Variants in MFHAS1 observed in about 807,000 individuals in gnomAD.
MFHAS1 encodes multifunctional ROCO family signaling regulator 1, also known as malignant fibrous histiocytoma-amplified sequence 1.
In MFHAS1, 50 loss-of-function variants were observed where a neutral mutation model predicts 70.4. The ratio of observed to expected loss-of-function variants is 0.71; its 90% CI spans 0.57 to 0.90. MFHAS1 has a LOEUF of 0.90. Ranked by LOEUF, MFHAS1 falls within the 40% of genes least tolerant of loss-of-function variation. The pLI is 0.00. For missense variants in MFHAS1, 1,795 were observed against 1,347.6 expected (o/e 1.33, Z -5.20); for synonymous variants, 952 against 620.0 (o/e 1.54, Z -7.96).
intron 1 of MFHAS1, among the ~76,000 whole-genome samples, chr8:8,848,099 G>C (rs554621141): frequency 9.2e-5 from 14 of 152,188 alleles, no homozygotes; most frequent in Non-Finnish European, 1.5e-4. Context: ...CATCTGGGAC[G>C]GCTGCTTTCC....
intron 1 of MFHAS1, among the ~76,000 whole-genome samples, chr8:8,814,427 G>GT (rs1298426684): frequency 6.6e-6 from 1 of 152,230 alleles, no homozygotes; most frequent in African/African-American, 2.4e-5. Flanking sequence ...CTAGGTTTGT[G>GT]TAAGTGCACT....
At chr8:8,793,266 G>C (rs1805781214) in intron 2 of MFHAS1, among the ~76,000 whole-genome samples, 1 of 152,072 alleles carries the variant, frequency 6.6e-6, no homozygotes, top group Non-Finnish European at 1.5e-5. Flanking sequence ...ATAAGAAATA[G>C]AAAAGCTTGG....
intron 1 of MFHAS1, among the ~76,000 whole-genome samples, chr8:8,832,560 T>C (rs1254914818): frequency 2.7e-5 from 4 of 150,842 alleles, no homozygotes; most frequent in African/African-American, 7.3e-5. Context: ...ACCACTAGAA[T>C]GCCTGCAATT....
At chr8:8,870,290 C>CAAA (rs61229252) in intron 1 of MFHAS1, among the ~76,000 whole-genome samples, 154 of 112,022 alleles carry the variant, frequency 1.4e-3, no homozygotes, top group Middle Eastern at 4.5e-3. Flanking sequence ...CCTGTCTCTA[C>CAAA]AAAAAAAAAA....
rs1805498449 is a variant in MFHAS1 at position 8,785,269 on chromosome 8, G to C, written c.*753C>G. The C allele has an allele frequency of 6.6e-6, 1 of 152,116 alleles. No individual in the cohort carries two copies. The highest frequency in any genetic ancestry group is 2.4e-5 in the African/African-American group (1 of 41,402). The allele number at this position is 152,116 out of a possible 1,614,324, so 9.4% of individuals were successfully genotyped here. Reference sequence around the variant, plus strand: ...ACCAGCGTGCCAGATGATTTATATAGGCAGGGACCTTCATTGAAAAGAAGG... The same window carrying C: ...ACCAGCGTGCCAGATGATTTATATACGCAGGGACCTTCATTGAAAAGAAGG... On this transcript the variant is annotated 3_prime_UTR_variant, in exon 3 of 3. Transcript: ENST00000276282.
intron 1 of MFHAS1, among the ~76,000 whole-genome samples, chr8:8,839,711 C>G (rs905241623): frequency 1.3e-5 from 2 of 152,146 alleles, no homozygotes; most frequent in South Asian, 4.1e-4. Context: ...GCTGAAATAA[C>G]GTAATATATT....
At chr8:8,856,124 T>A (rs1055372326) in intron 1 of MFHAS1, among the ~76,000 whole-genome samples, 9 of 152,224 alleles carry the variant, frequency 5.9e-5, no homozygotes, top group Non-Finnish European at 1.2e-4. Context: ...GGATTCCCCA[T>A]GAACTCCTCA....
intron 1 of MFHAS1, among the ~76,000 whole-genome samples, chr8:8,884,083 A>ACACAC (rs1338761340): frequency 4.6e-5 from 5 of 109,816 alleles, no homozygotes; most frequent in Middle Eastern, 4.5e-3. Flanking sequence ...CACACACACA[A>ACACAC]AAAGAAAAAA....
In MFHAS1 at chr8:8,861,060, G is replaced by A. The variant is rs530108494; in HGVS notation, c.2998+29001C>T. Among the ~76,000 whole-genome samples, 6 of 152,212 alleles carry A rather than the reference G, an allele frequency of 3.9e-5. No homozygotes were observed. The East Asian group carries it at 1.2e-3, about 29-fold the overall frequency. Reference sequence around the variant, plus strand: ...GTGCCTTTTAATTTCATCACTTAACGTTTCTTGGGCTGAGGTAATATCAAA... The same window carrying A: ...GTGCCTTTTAATTTCATCACTTAACATTTCTTGGGCTGAGGTAATATCAAA... On this transcript the variant is annotated intron_variant, in intron 1 of 2. Coordinates refer to ENST00000276282, the MANE Select transcript of MFHAS1 (RefSeq NM_004225.3).
chr8:8,890,540 G>C lies in MFHAS1; in HGVS notation c.2519C>G (p.Pro840Arg), dbSNP rs753642870. ...CYCLNKPKGK[P>R]LNGSTAWYKF... is the part of the protein sequence containing the mutation. ...GTACCAAGCTGTGGACCCATTCAAA[G>C]GCTTGCCCTTGGGTTTATTGAGGCA... is the stretch of plus-strand genomic sequence containing the variant. The change falls in exon 1 of 3, where the codon CCT (proline) becomes CGT (arginine). Residue 840 changes from proline (P) to arginine (R), a missense_variant. Transcript: ENST00000276282. The C allele has an allele frequency of 5.0e-6, 8 of 1,613,510 alleles. No individual in the cohort carries two copies. The highest frequency in any genetic ancestry group is 3.3e-5 in the Admixed American group (2 of 60,034).
chr8:8,854,945 T>C (rs1808380898), intron 1 of MFHAS1, among the ~76,000 whole-genome samples: 1 of 152,136 alleles, frequency 6.6e-6, no homozygotes, highest in Non-Finnish European at 1.5e-5. Flanking sequence ...GATCTCACTC[T>C]ATACCCCACG....
Position 8,855,761 on chromosome 8 carries a change from CAGG to C in MFHAS1, c.2998+34297_2998+34299del, listed in dbSNP as rs1332455331. On this transcript the variant is annotated intron_variant, in intron 1 of 2. Coordinates refer to ENST00000276282, the MANE Select transcript of MFHAS1 (RefSeq NM_004225.3). ...ATCCCAGCTACTTGGGAGGCTGAGA[CAGG>C]AGAAGCACTTGAACCTGGGAGGCTG... is the stretch of plus-strand genomic sequence containing the variant. 2.6e-5 allele frequency among the ~76,000 whole-genome samples: 4 copies of C among 152,266 alleles called. No individual in the cohort carries two copies. The East Asian group carries it at 7.7e-4, about 29-fold the overall frequency.
intron 2 of MFHAS1, among the ~76,000 whole-genome samples, chr8:8,797,150 T>TTA (rs112626794): frequency 7.1e-5 from 10 of 141,502 alleles, no homozygotes; most frequent in African/African-American, 2.6e-4. Flanking sequence ...TTAGCTAAAG[T>TTA]AAAAAAAAAA....
At chr8:8,808,706 T>A (rs1806430286) in intron 1 of MFHAS1, among the ~76,000 whole-genome samples, 1 of 152,210 alleles carries the variant, frequency 6.6e-6, no homozygotes, top group Admixed American at 6.5e-5. Flanking sequence ...AAGTGCTTAG[T>A]TAAGATGAAA....
At chr8:8,790,507 C>T in intron 2 of MFHAS1, 1 of 371,586 alleles carries the variant, frequency 2.7e-6, no homozygotes, top group Non-Finnish European at 3.7e-6. Context: ...AACACAATTC[C>T]TCCTAGCTTG....
chr8:8,850,145 C>A (rs1482450387), intron 1 of MFHAS1, among the ~76,000 whole-genome samples: 1 of 152,184 alleles, frequency 6.6e-6, no homozygotes, highest in African/African-American at 2.4e-5. Flanking sequence ...AATCCCGAGG[C>A]AACTAACAGC....
At chr8:8,787,290 C>G (rs757600255) in intron 2 of MFHAS1, among the ~76,000 whole-genome samples, 11 of 152,138 alleles carry the variant, frequency 7.2e-5, no homozygotes, top group Non-Finnish European at 1.3e-4. Context: ...CCATGTTAGC[C>G]AGGATGATCT....
At chr8:8,788,933 G>A (rs1024595555) in intron 2 of MFHAS1, among the ~76,000 whole-genome samples, 2 of 152,190 alleles carry the variant, frequency 1.3e-5, no homozygotes, top group Non-Finnish European at 2.9e-5. Flanking sequence ...ATTGTGCAGG[G>A]CCTTGTGAGC....
intron 1 of MFHAS1, among the ~76,000 whole-genome samples, chr8:8,859,458 G>C (rs1808579487): frequency 6.6e-6 from 1 of 152,140 alleles, no homozygotes; most frequent in Admixed American, 6.5e-5. Flanking sequence ...AAATACAGTT[G>C]ATCGTTTAAC....
Sources: gnomAD v4.1 joint callset for allele counts (sites outside exome capture counted in the v4.1 genomes callset) on GRCh38, gnomAD v4.1.1 for gene constraint, MANE v1.5 for transcripts, NCBI Gene and HGNC (gene_info 2026-07-23, HGNC 2026-07-21) for gene names.